RBFOX1: variants seen among roughly 807,000 people sequenced by gnomAD.
The protein encoded by RBFOX1 is RNA binding fox-1 homolog 1, also known as RNA binding protein fox-1 homolog 1.
In RBFOX1, 8 loss-of-function variants were observed where a neutral mutation model predicts 57.7. That is an observed-to-expected ratio of 0.14 (90% confidence interval 0.08 to 0.25). The LOEUF is 0.25. Ranked by LOEUF, RBFOX1 falls within the 10% of genes least tolerant of loss-of-function variation. The pLI is 1.00. For missense variants in RBFOX1, 611 were observed against 548.5 expected (o/e 1.11, Z -1.14); for synonymous variants, 326 against 222.4 (o/e 1.47, Z -4.15).
rs925942911 is a variant in RBFOX1 at position 7,329,360 on chromosome 16, C to T, written c.28-188787C>T. Among the ~76,000 whole-genome samples, 3 of 152,100 alleles carry T rather than the reference C, an allele frequency of 2.0e-5. No individual in the cohort carries two copies. In the South Asian group the frequency reaches 6.2e-4, roughly 32 times the overall value. On this transcript the variant is annotated intron_variant, in intron 4 of 15. Coordinates refer to ENST00000550418, the MANE Select transcript of RBFOX1 (RefSeq NM_018723.4). ...CTGCATTACACCGTGAGCGTAATAC[C>T]ACATAATAGATGTTGAGTAGCCCGA...
intron 3 of RBFOX1, among the ~76,000 whole-genome samples, chr16:6,861,707 A>G (rs1365967742): frequency 2.0e-5 from 3 of 151,876 alleles, no homozygotes; most frequent in Non-Finnish European, 4.4e-5. Flanking sequence ...TTCGTTTTGG[A>G]AGGCCCGGAA....
At chr16:5,625,574 T>TTTATTTG (rs2048326741) in intron 3 of RBFOX1, among the ~76,000 whole-genome samples, 1 of 58,964 alleles carries the variant, frequency 1.7e-5, no homozygotes, top group East Asian at 5.5e-4. Context: ...TTATTTATTT[T>TTTATTTG]CGAGATGGAG....
intron 2 of RBFOX1, among the ~76,000 whole-genome samples, chr16:6,343,635 C>T (rs902074992): frequency 4.6e-5 from 7 of 152,140 alleles, no homozygotes; most frequent in Non-Finnish European, 1.5e-5. Context: ...TCCATGCTTC[C>T]TATAGATGTA....
intron 3 of RBFOX1, among the ~76,000 whole-genome samples, chr16:6,852,360 C>T (rs1379288436): frequency 6.6e-6 from 1 of 152,104 alleles, no homozygotes; most frequent in Non-Finnish European, 1.5e-5. Context: ...AGGTTGATCA[C>T]CCATTTTGTG....
intron 1 of RBFOX1, among the ~76,000 whole-genome samples, chr16:6,261,208 G>C (rs528037549): frequency 3.9e-5 from 6 of 152,300 alleles, no homozygotes; most frequent in Admixed American, 2.6e-4. Flanking sequence ...CAGTGGATGA[G>C]AGAAAAATTG....
intron 4 of RBFOX1, among the ~76,000 whole-genome samples, chr16:5,885,221 A>G (rs907629202): frequency 6.6e-6 from 1 of 151,908 alleles, no homozygotes; most frequent in East Asian, 1.9e-4. Context: ...GTGATCTGCC[A>G]CCATAAAGAG....
chr16:6,945,777 G>A (rs1025661070), intron 3 of RBFOX1, among the ~76,000 whole-genome samples: 1 of 152,156 alleles, frequency 6.6e-6, no homozygotes, highest in African/African-American at 2.4e-5. Flanking sequence ...TGTAATCCCA[G>A]CTACTTCGGA....
chr16:5,502,166 T>A (rs944209182), intron 2 of RBFOX1, among the ~76,000 whole-genome samples: 12 of 152,120 alleles, frequency 7.9e-5, no homozygotes, highest in Non-Finnish European at 1.5e-4. Flanking sequence ...AAGAGAGGCT[T>A]CCTAGAGTAG....
intron 1 of RBFOX1, among the ~76,000 whole-genome samples, chr16:6,295,055 C>G (rs1378890543): frequency 6.6e-6 from 1 of 151,502 alleles, no homozygotes; most frequent in Non-Finnish European, 1.5e-5. Flanking sequence ...CTCCCACTCT[C>G]TCTCCTCCAA....
At chr16:7,379,238 AT>A (rs1431965839) in intron 4 of RBFOX1, among the ~76,000 whole-genome samples, 1 of 152,174 alleles carries the variant, frequency 6.6e-6, no homozygotes, top group East Asian at 1.9e-4. Context: ...TAGCTTTTTG[AT>A]TTCACCATAA....
chr16:5,768,263 G>A (rs559373031), intron 3 of RBFOX1, among the ~76,000 whole-genome samples: 25 of 152,306 alleles, frequency 1.6e-4, no homozygotes, highest in African/African-American at 4.1e-4. Context: ...TAGAGGCACC[G>A]TTGATTTAAC....
At chr16:6,951,373 C>A (rs1197247269) in intron 3 of RBFOX1, among the ~76,000 whole-genome samples, 1 of 152,150 alleles carries the variant, frequency 6.6e-6, no homozygotes, top group Non-Finnish European at 1.5e-5. Context: ...CCAAATAAAT[C>A]ACCCTAGTAT....
chr16:5,312,397 C>G (rs536182356), intron 1 of RBFOX1, among the ~76,000 whole-genome samples: 1 of 152,200 alleles, frequency 6.6e-6, no homozygotes, highest in Non-Finnish European at 1.5e-5. Context: ...TGGCTCACTG[C>G]CACCTCTGCT....
At chr16:6,890,965 G>A (rs956620539) in intron 3 of RBFOX1, among the ~76,000 whole-genome samples, 6 of 152,178 alleles carry the variant, frequency 3.9e-5, no homozygotes, top group African/African-American at 1.4e-4. Context: ...CCTAGAATTC[G>A]TGTGGAGTCA....
At chr16:6,864,355 AAT>A (rs2059545533) in intron 3 of RBFOX1, among the ~76,000 whole-genome samples, 1 of 152,172 alleles carries the variant, frequency 6.6e-6, no homozygotes, top group Non-Finnish European at 1.5e-5. Flanking sequence ...AAACAATAAT[AAT>A]TTCAGACTGC....
At chr16:5,348,498 G>T (rs1018312114) in intron 1 of RBFOX1, among the ~76,000 whole-genome samples, 3 of 152,196 alleles carry the variant, frequency 2.0e-5, no homozygotes, top group African/African-American at 7.2e-5. Flanking sequence ...CATGGAGAGG[G>T]TAGCAGCTTG....
At chr16:6,874,916 TAAAAG>T (rs1021120286) in intron 3 of RBFOX1, among the ~76,000 whole-genome samples, 7 of 152,010 alleles carry the variant, frequency 4.6e-5, no homozygotes, top group Admixed American at 1.3e-4. Flanking sequence ...GAAATAATAA[TAAAAG>T]AAAAACATTG....
intron 4 of RBFOX1, among the ~76,000 whole-genome samples, chr16:7,459,242 T>C (rs1055506294): frequency 2.0e-5 from 3 of 152,200 alleles, no homozygotes; most frequent in Non-Finnish European, 4.4e-5. Context: ...ATCTCTACTT[T>C]CTAGACATTG....
At chr16:7,206,221 T>C (rs1026997685) in intron 4 of RBFOX1, among the ~76,000 whole-genome samples, 1 of 152,134 alleles carries the variant, frequency 6.6e-6, no homozygotes, top group East Asian at 1.9e-4. Flanking sequence ...GTAGGTAAAG[T>C]GGATTTACCA....
Sources: gnomAD v4.1 joint callset for allele counts (sites outside exome capture counted in the v4.1 genomes callset) on GRCh38, gnomAD v4.1.1 for gene constraint, MANE v1.5 for transcripts, NCBI Gene and HGNC (gene_info 2026-07-23, HGNC 2026-07-21) for gene names.